The following H2BC18 variants were observed in gnomAD, a reference collection of about 807,000 sequenced individuals.
The protein encoded by H2BC18 is H2B clustered histone 18.
A neutral mutation model predicts 6.3 loss-of-function variants in H2BC18; 8 were observed. The ratio of observed to expected loss-of-function variants is 1.28; its 90% CI spans 0.75 to 2.31. The LOEUF is 2.31. Ranked by LOEUF, H2BC18 falls within the 30% of genes most tolerant of loss-of-function variation. H2BC18 has a pLI of 0.00. For missense variants in H2BC18, 106 were observed against 174.5 expected (o/e 0.61, Z 2.21); for synonymous variants, 104 against 78.1 (o/e 1.33, Z -1.75).
At chr1:149,787,525 T>C (rs1470092697) in intron 1 of H2BC18, 1 of 152,444 alleles carries the variant, frequency 6.6e-6, no homozygotes, top group East Asian at 1.9e-4. Context: ...CCCTTCTGTG[T>C]GTTTGTCTTA....
downstream of H2BC18, among the ~76,000 whole-genome samples, chr1:149,808,214 T>TA (rs1307123490): frequency 6.6e-6 from 1 of 152,118 alleles, no homozygotes; most frequent in East Asian, 1.9e-4. Flanking sequence ...AACTAAAACT[T>TA]AAAAAATAAT....
intron 1 of H2BC18, chr1:149,790,535 T>C: frequency 1.1e-6 from 1 of 947,222 alleles, no homozygotes; most frequent in Non-Finnish European, 1.5e-6. Flanking sequence ...TCCTTTCCTT[T>C]CTTTTTCTTT....
chr1:149,792,738 C>G (rs1553752187), intron 1 of H2BC18: 2 of 1,283,900 alleles, frequency 1.6e-6, no homozygotes, highest in African/African-American at 3.1e-5. Flanking sequence ...TCCGCGCCCC[C>G]GCCAAAACCC....
Position 149,812,356 on chromosome 1 carries a change from G to T in H2BC18, c.-33C>A. 1.2e-6 allele frequency: 2 copies of T among 1,613,858 alleles called. No individual in the cohort carries two copies. Among genetic ancestry groups the T allele is most frequent in the Non-Finnish European group, 1.7e-6 (2 of 1,179,874 alleles). On this transcript the variant is annotated 5_prime_UTR_variant, in exon 1 of 1. Coordinates refer to ENST00000369167, the MANE Select transcript of H2BC18 (RefSeq NM_001024599.5). ...CGAAAAAAGAGAAAAGAGACTTAAA[G>T]AAGTAATCCGAACTACCGCAAAACG... is the stretch of plus-strand genomic sequence containing the variant.
intron 1 of H2BC18, among the ~76,000 whole-genome samples, chr1:149,802,689 C>A (rs1398876849): frequency 6.6e-6 from 1 of 152,176 alleles, no homozygotes. Context: ...AGTCCAAAAG[C>A]CTCAAGAGTA....
At chr1:149,791,461 A>G (rs2091709776) in intron 1 of H2BC18, 1 of 1,608,496 alleles carries the variant, frequency 6.2e-7, no homozygotes. Context: ...TCAGGAACAA[A>G]AAGAAGAACA....
intron 1 of H2BC18, among the ~76,000 whole-genome samples, chr1:149,804,276 TAGAAAA>T (rs2091898396): frequency 6.6e-6 from 1 of 152,106 alleles, no homozygotes; most frequent in Non-Finnish European, 1.5e-5. Context: ...CATCATCTGA[TAGAAAA>T]AGAAGGTACT....
intron 1 of H2BC18, chr1:149,788,658 C>T (rs201261589): frequency 6.3e-7 from 1 of 1,591,724 alleles, no homozygotes; most frequent in South Asian, 1.1e-5. Context: ...AGTCCCTCCC[C>T]CTGAGGGACC....
At chr1:149,785,221 A>G (rs1159880741) in intron 1 of H2BC18, among the ~76,000 whole-genome samples, 2 of 152,152 alleles carry the variant, frequency 1.3e-5, no homozygotes, top group Non-Finnish European at 2.9e-5. Flanking sequence ...TGATAATGCA[A>G]AAGTCAATCC....
chr1:149,793,345 G>C (rs1440350604), intron 1 of H2BC18: 1 of 1,146,880 alleles, frequency 8.7e-7, no homozygotes, highest in African/African-American at 1.7e-5. Flanking sequence ...AAAGCAGGAA[G>C]GGAGCTGGCT....
chr1:149,798,733 T>A (rs1248978035), intron 1 of H2BC18, among the ~76,000 whole-genome samples: 1 of 152,160 alleles, frequency 6.6e-6, no homozygotes, highest in Non-Finnish European at 1.5e-5. Context: ...TGCTTCAGCC[T>A]CCTAAGTAGC....
intron 1 of H2BC18, among the ~76,000 whole-genome samples, chr1:149,796,328 T>C (rs1269806608): frequency 1.3e-5 from 2 of 152,162 alleles, no homozygotes; most frequent in Non-Finnish European, 2.9e-5. Flanking sequence ...TAAGGAAGAC[T>C]AGAAATAATT....
intron 1 of H2BC18, among the ~76,000 whole-genome samples, chr1:149,784,831 A>G (rs2091498421): frequency 6.6e-6 from 1 of 151,916 alleles, no homozygotes; most frequent in African/African-American, 2.4e-5. Context: ...ATATTAATAG[A>G]AATCCACTTT....
rs587698070 is a variant in H2BC18, at chr1:149,799,701, A to T, written c.377+12246T>A. On this transcript the variant is annotated intron_variant, in intron 1 of 1. Coordinates refer to the H2BC18 transcript ENST00000545683. ...CCTCATCCTGTTACATGAGTTTGGAACATCTGGATCTATTTTTCATATCAT... is the reference window on the plus strand; with the variant it reads ...CCTCATCCTGTTACATGAGTTTGGATCATCTGGATCTATTTTTCATATCAT... 5.3e-5 allele frequency among the ~76,000 whole-genome samples: 8 copies of T among 152,180 alleles called. No homozygotes were observed. In the East Asian group the frequency reaches 1.5e-3, roughly 29 times the overall value.
At chr1:149,788,765 T>C (rs2091619801) in intron 1 of H2BC18, 2 of 807,812 alleles carry the variant, frequency 2.5e-6, no homozygotes, top group East Asian at 2.7e-5. Context: ...CCATGACCAG[T>C]AGCTGGAACC....
chr1:149,785,357 G>A (rs2091513167), intron 1 of H2BC18, among the ~76,000 whole-genome samples: 1 of 142,142 alleles, frequency 7.0e-6, no homozygotes, highest in South Asian at 2.4e-4. Flanking sequence ...TTAGGTCTCT[G>A]TAAATAAGTT....
intron 1 of H2BC18, among the ~76,000 whole-genome samples, chr1:149,805,889 G>A (rs1187123780): frequency 1.3e-5 from 2 of 151,494 alleles, no homozygotes; most frequent in East Asian, 3.9e-4. Flanking sequence ...TAAGATACAA[G>A]TTTATTTATC....
At chr1:149,796,611 T>C (rs1246822417) in intron 1 of H2BC18, among the ~76,000 whole-genome samples, 1 of 152,216 alleles carries the variant, frequency 6.6e-6, no homozygotes, top group East Asian at 1.9e-4. Context: ...GATTGTAAAA[T>C]TTCAGGATAT....
intron 1 of H2BC18, chr1:149,792,819 A>G: frequency 7.8e-7 from 1 of 1,279,384 alleles, no homozygotes; most frequent in Non-Finnish European, 1.0e-6. Flanking sequence ...GTGGGCAGCA[A>G]CGGCGGCAGG....
Sources: allele counts gnomAD v4.1 joint callset (sites outside exome capture counted in the v4.1 genomes callset), GRCh38; gene constraint gnomAD v4.1.1; transcripts MANE v1.5; gene names NCBI Gene and HGNC (gene_info 2026-07-23, HGNC 2026-07-21).